LGR5: variants seen among roughly 807,000 people sequenced by gnomAD.
LGR5 encodes the protein leucine-rich repeat-containing G protein-coupled receptor 5.
In LGR5, 54 loss-of-function variants were observed where a neutral mutation model predicts 76.7. The ratio of observed to expected loss-of-function variants is 0.70; its 90% CI spans 0.57 to 0.88. LGR5 has a LOEUF of 0.88. Ranked by LOEUF, LGR5 falls within the 40% of genes least tolerant of loss-of-function variation. The pLI, the probability that LGR5 is intolerant of heterozygous loss-of-function variation, is 0.00. For missense variants in LGR5, 1,078 were observed against 1,073.3 expected, an observed-to-expected ratio of 1.00 and a Z score of -0.06; for synonymous variants, 406 against 421.9, an observed-to-expected ratio of 0.96 and a Z score of 0.46.
Position 71,578,805 on chromosome 12 carries a change from G to A in LGR5, c.1282G>A (p.Asp428Asn), listed in dbSNP as rs146110108. The change falls in exon 15 of 18, where the codon GAC becomes AAC. Residue 428 changes from aspartate to asparagine, a missense_variant and splice_region_variant. Coordinates refer to ENST00000266674, the MANE Select transcript of LGR5 (RefSeq NM_003667.4). The stretch of plus-strand genomic sequence containing the variant: ...CAATTGTTGTTTGATGTTTTGCAGG[G>A]ACCTATCGTCCAACCTCCTGTCGTC... ...FSTLPSLIKL[D>N]LSSNLLSSFP... is the part of the protein sequence containing the mutation. 7,639 of 1,603,444 alleles carry A rather than the reference G, an allele frequency of 4.8e-3. 41 individuals carry two copies. The highest frequency in any genetic ancestry group is 4.5e-3 in the Non-Finnish European group (5,288 of 1,175,402).
chr12:71,504,245 T>C (rs574986938), intron 1 of LGR5, among the ~76,000 whole-genome samples: 3 of 152,156 alleles, frequency 2.0e-5, no homozygotes, highest in South Asian at 2.1e-4. Flanking sequence ...ACATTTCTCT[T>C]TGTCACACAA....
At chr12:71,443,685 ACTC>A (rs1475616013) in intron 1 of LGR5, among the ~76,000 whole-genome samples, 2 of 151,992 alleles carry the variant, frequency 1.3e-5, no homozygotes, top group Non-Finnish European at 2.9e-5. Context: ...TTAAAAGTAA[ACTC>A]CTCTCTGCTA....
rs752079669 is a variant in LGR5 at position 71,566,919 on chromosome 12, A to C, written c.1070+7A>C. On this transcript the variant is annotated splice_region_variant and intron_variant, in intron 11 of 17. Transcript: ENST00000266674. ...TACCTAATCTCCAAGTGCTGTGCGT[A>C]TCAGTAAGGCAATAATGTTGTGTAA... The C allele has an allele frequency of 2.5e-6, 4 of 1,603,818 alleles. No homozygotes were observed. Among genetic ancestry groups the C allele is most frequent in the Admixed American group, 1.7e-5 (1 of 59,986 alleles).
rs1328873520 is a variant in LGR5, at chr12:71,584,835, G to A, written c.*101G>A. On this transcript the variant is annotated 3_prime_UTR_variant, in exon 18 of 18. Transcript: ENST00000266674. The stretch of plus-strand genomic sequence containing the variant: ...AATAAGAAGAGCTGAGGTGAAACTC[G>A]GTTTAAAAACCAAAAAAGAATCTCT... 5 of 1,328,062 alleles carry A rather than the reference G, an allele frequency of 3.8e-6. No homozygotes were observed. Among genetic ancestry groups the A allele is most frequent in the Admixed American group, 4.6e-5 (2 of 43,536 alleles). The allele number at this position is 1,328,062 out of a possible 1,614,324, so 82.3% of individuals were successfully genotyped here. A position where few individuals can be genotyped will look rare whatever the true frequency, so the allele number is the denominator to read the frequency against.
At chr12:71,536,451 G>GATAAACAAGCCCATA (rs1876590923) in intron 4 of LGR5, among the ~76,000 whole-genome samples, 2 of 152,148 alleles carry the variant, frequency 1.3e-5, no homozygotes, top group Non-Finnish European at 2.9e-5. Flanking sequence ...GCCCACAAGG[G>GATAAACAAGCCCATA]CCCCTTTGTG....
intron 1 of LGR5, among the ~76,000 whole-genome samples, chr12:71,472,877 G>A (rs968121178): frequency 2.0e-5 from 3 of 152,174 alleles, no homozygotes; most frequent in Non-Finnish European, 2.9e-5. Context: ...CACAGCACAC[G>A]TTGATTGTAT....
At chr12:71,452,960 A>G (rs1165362764) in intron 1 of LGR5, among the ~76,000 whole-genome samples, 3 of 152,210 alleles carry the variant, frequency 2.0e-5, no homozygotes, top group Non-Finnish European at 4.4e-5. Flanking sequence ...TTATTATCAC[A>G]CTAAACTCAT....
chr12:71,491,629 C>A lies in LGR5; in HGVS notation c.213-12985C>A, dbSNP rs1357210409. 2.0e-5 allele frequency among the ~76,000 whole-genome samples: 3 copies of A among 151,262 alleles called. No homozygotes were observed. The East Asian group carries it at 5.8e-4, about 29-fold the overall frequency. On this transcript the variant is annotated intron_variant, in intron 1 of 17. Coordinates refer to ENST00000266674, the MANE Select transcript of LGR5 (RefSeq NM_003667.4). ...AATTTCTAGGAAATTGTGAGATTGA[C>A]AGGTCTTGGTGTAATGCCTGAGAAA...
At chr12:71,480,045 A>G (rs1873519129) in intron 1 of LGR5, among the ~76,000 whole-genome samples, 1 of 152,116 alleles carries the variant, frequency 6.6e-6, no homozygotes, top group African/African-American at 2.4e-5. Flanking sequence ...CAGGAGTGGA[A>G]GCAGAAAGTG....
chr12:71,477,888 T>A (rs1427560511), intron 1 of LGR5, among the ~76,000 whole-genome samples: 1 of 152,182 alleles, frequency 6.6e-6, no homozygotes, highest in Non-Finnish European at 1.5e-5. Flanking sequence ...GCAAACTCAC[T>A]CTCATGGTGG....
At chr12:71,493,987 A>G (rs1417743267) in intron 1 of LGR5, among the ~76,000 whole-genome samples, 4 of 136,584 alleles carry the variant, frequency 2.9e-5, no homozygotes, top group Admixed American at 2.3e-4. Context: ...TCTGTCCCCC[A>G]GGCTGGAGTG....
intron 17 of LGR5, among the ~76,000 whole-genome samples, chr12:71,583,294 T>C (rs1879170764): frequency 6.6e-6 from 1 of 152,222 alleles, no homozygotes; most frequent in Admixed American, 6.5e-5. Context: ...TGGAAACTTA[T>C]GGAAATATTC....
intron 4 of LGR5, 99 bp from the exon 5 acceptor site, chr12:71,552,974 C>A: frequency 1.9e-6 from 2 of 1,051,698 alleles, no homozygotes; most frequent in Non-Finnish European, 2.9e-6. Flanking sequence ...AGGCCCTGTT[C>A]CACTCTTGTT....
rs1054403370 is a variant in LGR5, at chr12:71,584,964, C to T, written c.*230C>T. ...TCAGCTAAGGGATAGATCGATCACA[C>T]TATTTAAGTGAGCCCAGATCAAAAA... is the stretch of plus-strand genomic sequence containing the variant. On this transcript the variant is annotated 3_prime_UTR_variant, in exon 18 of 18. Coordinates refer to ENST00000266674, the MANE Select transcript of LGR5 (RefSeq NM_003667.4). 8.1e-6 allele frequency: 4 copies of T among 491,554 alleles called. No individual in the cohort carries two copies. The highest frequency in any genetic ancestry group is 5.8e-5 in the African/African-American group (3 of 52,094). The allele number at this position is 491,554 out of a possible 1,614,324, so 30.4% of individuals were successfully genotyped here.
At chr12:71,561,618 G>A (rs938021680) in intron 7 of LGR5, among the ~76,000 whole-genome samples, 163 bp from the exon 8 acceptor site, 12 of 152,004 alleles carry the variant, frequency 7.9e-5, no homozygotes, top group South Asian at 2.1e-4. Flanking sequence ...TTATCCTCTA[G>A]AGAGTAAATA....
At chr12:71,512,014 C>A (rs1465590332) in intron 2 of LGR5, among the ~76,000 whole-genome samples, 1 of 145,890 alleles carries the variant, frequency 6.9e-6, no homozygotes, top group South Asian at 2.2e-4. Context: ...GTTTTTTAGA[C>A]AAAGTCTCAC....
chr12:71,440,400 G>A lies in LGR5; in HGVS notation c.212+108G>A. The A allele has an allele frequency of 9.3e-7, 1 of 1,070,040 alleles. No individual in the cohort carries two copies. Among genetic ancestry groups the A allele is most frequent in the Non-Finnish European group, 1.4e-6 (1 of 719,744 alleles). The allele number at this position is 1,070,040 out of a possible 1,614,324, so 66.3% of individuals were successfully genotyped here. On this transcript the variant is annotated intron_variant, in intron 1 of 17. Coordinates refer to ENST00000266674, the MANE Select transcript of LGR5 (RefSeq NM_003667.4). This position sits in a 1 kb window ranked among gnomAD's most constrained non-coding sequence, Gnocchi z 5.3. ...GCGCCCGCCTGCTCGTGGGGGAGGG[G>A]GGCGAGTTTGTCAAGGGCATCCTGG...
At chr12:71,455,037 A>G (rs999380727) in intron 1 of LGR5, among the ~76,000 whole-genome samples, 10 of 152,108 alleles carry the variant, frequency 6.6e-5, no homozygotes, top group Admixed American at 1.3e-4. Flanking sequence ...CCAGGTCTGT[A>G]GTTCTTAAAC....
chr12:71,447,925 C>A (rs995126368), intron 1 of LGR5, among the ~76,000 whole-genome samples: 1 of 152,178 alleles, frequency 6.6e-6, no homozygotes, highest in Non-Finnish European at 1.5e-5. Flanking sequence ...GCCTGCCAGG[C>A]GAAATTAAGC....
Sources: allele counts gnomAD v4.1 joint callset (sites outside exome capture counted in the v4.1 genomes callset), GRCh38; gene constraint gnomAD v4.1.1; non-coding constraint Gnocchi (gnomAD v3.1); transcripts MANE v1.5; gene names NCBI Gene and HGNC (gene_info 2026-07-23, HGNC 2026-07-21).